Variants in POT1 observed in about 807,000 individuals in gnomAD.
POT1 encodes protection of telomeres protein 1.
A neutral mutation model predicts 78.5 loss-of-function variants in POT1; 47 were observed. The ratio of observed to expected loss-of-function variants is 0.60; its 90% CI spans 0.47 to 0.76. POT1 has a LOEUF of 0.76. POT1 is among the 30% of genes least tolerant of loss of function. The pLI is 0.00. For missense variants in POT1, 646 were observed against 749.9 expected (o/e 0.86, Z 1.62); for synonymous variants, 259 against 260.7 (o/e 0.99, Z 0.06).
intron 6 of POT1, among the ~76,000 whole-genome samples, chr7:124,877,830 G>C (rs990829979): frequency 1.2e-5 from 1 of 80,634 alleles, no homozygotes; most frequent in Non-Finnish European, 2.7e-5. Flanking sequence ...GACAGAGAGA[G>C]ATTCTGTCTC....
At chr7:124,857,818 G>C (rs1795483531) in intron 9 of POT1, among the ~76,000 whole-genome samples, 1 of 152,160 alleles carries the variant, frequency 6.6e-6, no homozygotes, top group African/African-American at 2.4e-5. Context: ...CCACAAGTGT[G>C]GTGTGAGTCA....
chr7:124,847,908 T>C (rs939910125), intron 11 of POT1, among the ~76,000 whole-genome samples: 1 of 152,236 alleles, frequency 6.6e-6, no homozygotes, highest in Non-Finnish European at 1.5e-5. Flanking sequence ...CCCACATTTA[T>C]ACTCGCTTGA....
chr7:124,874,178 T>C (rs1285919256), intron 6 of POT1, among the ~76,000 whole-genome samples: 1 of 152,174 alleles, frequency 6.6e-6, no homozygotes, highest in Admixed American at 6.5e-5. Flanking sequence ...CTTCTCATGT[T>C]GGTGTTAACA....
chr7:124,823,886 A>T lies in POT1; in HGVS notation c.*76T>A, dbSNP rs1584745438. The T allele has an allele frequency of 1.1e-6, 1 of 905,084 alleles. No individual in the cohort carries two copies. Among genetic ancestry groups the T allele is most frequent in the African/African-American group, 1.7e-5 (1 of 59,972 alleles). The allele number at this position is 905,084 out of a possible 1,614,324, so 56.1% of individuals were successfully genotyped here. On this transcript the variant is annotated 3_prime_UTR_variant, in exon 19 of 19. Transcript: ENST00000357628. ...ACATCATCAACATTGCTGATACAAA[A>T]CTCAGGTCAGGAAAAGAAGCTCAAA...
At chr7:124,867,637 T>C (rs543289562) in intron 7 of POT1, among the ~76,000 whole-genome samples, 24 of 151,880 alleles carry the variant, frequency 1.6e-4, no homozygotes, top group African/African-American at 5.3e-4. Context: ...TTATTATTTT[T>C]ATTTATTTAT....
At chr7:124,826,845 G>C (rs914464461) in intron 17 of POT1, among the ~76,000 whole-genome samples, 1 of 151,480 alleles carries the variant, frequency 6.6e-6, no homozygotes, top group African/African-American at 2.4e-5. Flanking sequence ...CTCCAGCCTG[G>C]GCAACAGAGC....
At chr7:124,886,624 A>C (rs1796248931) in intron 6 of POT1, among the ~76,000 whole-genome samples, 1 of 152,138 alleles carries the variant, frequency 6.6e-6, no homozygotes, top group African/African-American at 2.4e-5. Flanking sequence ...ATCTTAGAAG[A>C]AACAAACATA....
chr7:124,845,402 T>C (rs1795139868), intron 12 of POT1, among the ~76,000 whole-genome samples: 1 of 152,204 alleles, frequency 6.6e-6, no homozygotes, highest in East Asian at 1.9e-4. Flanking sequence ...GTCTGGTTAT[T>C]CCTCAGGCTC....
chr7:124,858,122 G>A (rs932928212), intron 9 of POT1, among the ~76,000 whole-genome samples: 4 of 152,090 alleles, frequency 2.6e-5, no homozygotes, highest in East Asian at 3.9e-4. Flanking sequence ...GTTCCTGCCC[G>A]TGAAGGGGTC....
At chr7:124,857,999 C>T (rs1002601584) in intron 9 of POT1, among the ~76,000 whole-genome samples, 1 of 152,116 alleles carries the variant, frequency 6.6e-6, no homozygotes, top group Non-Finnish European at 1.5e-5. Context: ...AAGCCTTTGC[C>T]CTGGCTCCTG....
intron 18 of POT1, among the ~76,000 whole-genome samples, chr7:124,824,287 A>G (rs1282841693): frequency 1.3e-5 from 2 of 151,750 alleles, no homozygotes; most frequent in Non-Finnish European, 2.9e-5. Flanking sequence ...GACTAATTTG[A>G]ATTTTTTGCC....
Position 124,858,948 on chromosome 7 carries a change from A to C in POT1, c.702+9T>G, listed in dbSNP as rs6977407. On this transcript the variant is annotated intron_variant, in intron 9 of 18. Transcript: ENST00000357628. ...ACATAAAATAACATTTTTTCCTACT[A>C]TACATCACCTTCAGAGATCTTGCCA... 944,752 of 1,572,614 alleles carry C rather than the reference A, an allele frequency of 0.6. 285,279 individuals carry two copies. Among genetic ancestry groups the C allele is most frequent in the African/African-American group, 0.65 (47,737 of 73,446 alleles).
intron 3 of POT1, among the ~76,000 whole-genome samples, chr7:124,901,630 G>A (rs1796622391): frequency 6.6e-6 from 1 of 152,160 alleles, no homozygotes; most frequent in Admixed American, 6.5e-5. Context: ...CTCCTCCAAA[G>A]GATCACAGCT....
rs1415345156 is a variant in POT1 at position 124,851,905 on chromosome 7, T to C, written c.916A>G (p.Ile306Val). The C allele has an allele frequency of 2.5e-6, 4 of 1,611,720 alleles. No homozygotes were observed. Among genetic ancestry groups the C allele is most frequent in the Non-Finnish European group, 3.4e-6 (4 of 1,178,048 alleles). ...CTGTCGTCAGGTTCTGATTGACAGATAACATCTGAATGCTGATTGGCTGTC... is the reference window on the plus strand; with the variant it reads ...CTGTCGTCAGGTTCTGATTGACAGACAACATCTGAATGCTGATTGGCTGTC... ...NLTANQHSDVICQSEPDDSFP... is the reference protein window; with the variant it reads ...NLTANQHSDVVCQSEPDDSFP... The change falls in exon 11 of 19, where the codon ATC becomes GTC. Residue 306 changes from isoleucine to valine, a missense_variant. Transcript: ENST00000357628.
At chr7:124,902,579 T>C (rs1796648619) in intron 3 of POT1, among the ~76,000 whole-genome samples, 4 of 152,094 alleles carry the variant, frequency 2.6e-5, no homozygotes, top group Admixed American at 2.6e-4. Context: ...ACATGCCAAA[T>C]TGTAAAGACC....
chr7:124,845,716 C>T (rs972520787), intron 12 of POT1, among the ~76,000 whole-genome samples: 3 of 148,690 alleles, frequency 2.0e-5, no homozygotes, highest in African/African-American at 7.4e-5. Context: ...AAAATGGTAG[C>T]TTTTTTTTTT....
chr7:124,926,403 A>C (rs1019359748), intron 2 of POT1, among the ~76,000 whole-genome samples: 2 of 152,166 alleles, frequency 1.3e-5, no homozygotes, highest in Non-Finnish European at 2.9e-5. Context: ...CCTTACACCA[A>C]TCAGAATGGG....
chr7:124,832,003 A>AT lies in POT1; in HGVS notation c.1506-2662_1506-2661insA, dbSNP rs1173217234. On this transcript the variant is annotated intron_variant, in intron 15 of 18. Coordinates refer to ENST00000357628, the MANE Select transcript of POT1 (RefSeq NM_015450.3). ...TAACATTTAATTTCTTAAAAATAAA[A>AT]AAAAAAAAAAAAAAAAAAAGTTTGG... Among the ~76,000 whole-genome samples, 643 of 123,614 alleles carry AT rather than the reference A, an allele frequency of 5.2e-3. 1 individual carries two copies. Among genetic ancestry groups the AT allele is most frequent in the Middle Eastern group, 8.0e-3 (2 of 250 alleles). The allele number at this position is 123,614 out of a possible 152,430, so 81.1% of individuals were successfully genotyped here.
chr7:124,916,741 T>C (rs1485360793), intron 2 of POT1, among the ~76,000 whole-genome samples: 2 of 152,144 alleles, frequency 1.3e-5, no homozygotes, highest in East Asian at 1.9e-4. Flanking sequence ...AACACTTTAA[T>C]GAATTGCTAG....
Sources: gnomAD v4.1 joint callset for allele counts (sites outside exome capture counted in the v4.1 genomes callset) on GRCh38, gnomAD v4.1.1 for gene constraint, MANE v1.5 for transcripts, NCBI Gene and HGNC (gene_info 2026-07-23, HGNC 2026-07-21) for gene names.